C3: variants seen among roughly 807,000 people sequenced by gnomAD.
C3 encodes the protein C3 and PZP-like alpha-2-macroglobulin domain-containing protein 1.
C3 carries 97 observed loss-of-function variants against 207.9 expected under a neutral mutation model. The observed-to-expected ratio is 0.47, with a 90% confidence interval of 0.40 to 0.55. The LOEUF (loss-of-function observed/expected upper bound fraction) is 0.55, where lower values mean the gene tolerates loss of function less well. Ranked by LOEUF, C3 falls within the 20% of genes least tolerant of loss-of-function variation. C3 has a pLI of 0.00. For missense variants in C3, 1,684 were observed against 2,171.7 expected (o/e 0.78, Z 4.46); for synonymous variants, 848 against 857.6 (o/e 0.99, Z 0.20).
chr19:6,713,334 G>T lies in C3; in HGVS notation c.877-19C>A. The stretch of plus-strand genomic sequence containing the variant: ...CCTCAATCTGAGAAGGGAGAGGAGG[G>T]CTCAGAGAGGGGAGCGGGCTCAGAG... On this transcript the variant is annotated intron_variant, in intron 8 of 40. Coordinates refer to ENST00000245907, the MANE Select transcript of C3 (RefSeq NM_000064.4). 6.2e-7 allele frequency: 1 copy of T among 1,613,906 alleles called. No homozygotes were observed. Among genetic ancestry groups the T allele is most frequent in the Non-Finnish European group, 8.5e-7 (1 of 1,179,988 alleles).
chr19:6,698,294 G>A (rs1353896661), intron 19 of C3, among the ~76,000 whole-genome samples: 3 of 152,004 alleles, frequency 2.0e-5, no homozygotes, highest in African/African-American at 4.8e-5. Flanking sequence ...GATTACAGGC[G>A]TGAGCCACTG....
At position 6,677,787 on chromosome 19, in the gene C3, C is replaced by T; in HGVS notation, c.*95G>A. ...GGATGGAGCTGAGCTGCAGGTGAGGCGGCTGGGGATTTCAGCCTCTCCCTC... is the reference window on the plus strand; with the variant it reads ...GGATGGAGCTGAGCTGCAGGTGAGGTGGCTGGGGATTTCAGCCTCTCCCTC... On this transcript the variant is annotated 3_prime_UTR_variant, in exon 41 of 41. Transcript: ENST00000245907. 2.7e-6 allele frequency: 4 copies of T among 1,481,452 alleles called. No individual in the cohort carries two copies. Among genetic ancestry groups the T allele is most frequent in the Non-Finnish European group, 3.7e-6 (4 of 1,072,696 alleles). The allele number at this position is 1,481,452 out of a possible 1,614,324, so 91.8% of individuals were successfully genotyped here.
chr19:6,717,659 T>TTATG (rs543619134), intron 4 of C3: 1 of 321,290 alleles, frequency 3.1e-6, no homozygotes, highest in Non-Finnish European at 6.1e-6. Context: ...TGTGGTGTGG[T>TTATG]TATGTATGTT....
At position 6,709,811 on chromosome 19, in the gene C3, C is replaced by A. The variant is rs780877533; in HGVS notation, c.1718G>T (p.Arg573Leu). ...LVVKSGQSED[R>L]QPVPGQQMTL... ...CATCTGCTGCCCAGGTACAGGCTGCCGGTCTTCTGACTGGCCGCTTTTTAC... is the reference window on the plus strand; with the variant it reads ...CATCTGCTGCCCAGGTACAGGCTGCAGGTCTTCTGACTGGCCGCTTTTTAC... The change falls in exon 14 of 41, where the codon CGG (arginine) becomes CTG (leucine). Residue 573 changes from arginine to leucine, a missense_variant. By Grantham distance (102) the Arg-to-Leu change is moderately radical (BLOSUM62 -2). Coordinates refer to ENST00000245907, the MANE Select transcript of C3 (RefSeq NM_000064.4). The A allele has an allele frequency of 3.1e-6, 5 of 1,613,782 alleles. No individual in the cohort carries two copies. In the East Asian group the frequency reaches 1.1e-4, roughly 36 times the overall value.
At chr19:6,709,611 T>TGCCCCCCCCCCCC in intron 14 of C3, 73 bp downstream of exon 14, 24 of 1,109,374 alleles carry the variant, frequency 2.2e-5, no homozygotes, top group Middle Eastern at 2.0e-4. Flanking sequence ...CCCTCTCCAG[T>TGCCCCCCCCCCCC]CCCACCCACC....
intron 1 of C3, among the ~76,000 whole-genome samples, 170 bp downstream of exon 1, chr19:6,720,346 A>G (rs1968136001): frequency 6.6e-6 from 1 of 151,942 alleles, no homozygotes; most frequent in Non-Finnish European, 1.5e-5. Context: ...CCCAACCACA[A>G]ACACCCAAAC....
At chr19:6,686,933 A>C in intron 27 of C3, 31 bp from the exon 28 acceptor site, 1 of 1,612,530 alleles carries the variant, frequency 6.2e-7, no homozygotes. Flanking sequence ...TTCTCCGGTC[A>C]TGTGGGCATT....
rs773172456 is a variant in C3, at chr19:6,684,949, G to A, written c.3969+39C>T. 2.5e-6 allele frequency: 4 copies of A among 1,612,244 alleles called. No individual in the cohort carries two copies. The South Asian group carries it at 3.3e-5, about 13-fold the overall frequency. On this transcript the variant is annotated intron_variant, in intron 30 of 40. Transcript: ENST00000245907. ...GTAAACCCTGGCTAGTGTAGGGGGA[G>A]ACAGCCAGAGTGAGGAGGGCTTGGC... is the stretch of plus-strand genomic sequence containing the variant.
At chr19:6,717,962 T>C (rs1320692917) in intron 4 of C3, 132 bp downstream of exon 4, 1 of 844,356 alleles carries the variant, frequency 1.2e-6, no homozygotes. Flanking sequence ...TGGGTGTGTG[T>C]CTGCATATCT....
Position 6,680,138 on chromosome 19 carries a change from G to A in C3, c.4456+20C>T, listed in dbSNP as rs747230303. The A allele has an allele frequency of 1.5e-6, 2 of 1,378,948 alleles. No individual in the cohort carries two copies. The highest frequency in any genetic ancestry group is 2.1e-6 in the Non-Finnish European group (2 of 965,618). 85.4% of individuals were successfully genotyped at this position (1,378,948 alleles called of 1,614,324 possible). A position where few individuals can be genotyped will look rare whatever the true frequency, so the allele number is the denominator to read the frequency against. ...GGCCCCTGGAACCATCAGACCCCAG[G>A]CCCTAGGTTGGCTGCTCACCCAGGT... is the stretch of plus-strand genomic sequence containing the variant. On this transcript the variant is annotated intron_variant, in intron 36 of 40. Coordinates refer to ENST00000245907, the MANE Select transcript of C3 (RefSeq NM_000064.4).
At chr19:6,698,094 G>A (rs968055014) in intron 19 of C3, among the ~76,000 whole-genome samples, 2 of 151,872 alleles carry the variant, frequency 1.3e-5, no homozygotes, top group African/African-American at 4.8e-5. Flanking sequence ...TCGGCTCAAC[G>A]CAACCTCCGC....
intron 14 of C3, among the ~76,000 whole-genome samples, chr19:6,708,400 GT>G (rs1967830499): frequency 6.6e-6 from 1 of 152,040 alleles, no homozygotes; most frequent in Admixed American, 6.6e-5. Context: ...GCCTCCCAAA[GT>G]GCTTGGCCTC....
chr19:6,707,258 T>C lies in C3; in HGVS notation c.2063A>G (p.Lys688Arg). 1 of 1,610,760 alleles carries C rather than the reference T, an allele frequency of 6.2e-7. No individual in the cohort carries two copies. ...GTCCTCGCAGCACTTGCGCAGCTCC[T>C]TGGGGTACTTGCCGACTGCGGGAGC... is the stretch of plus-strand genomic sequence containing the variant. ...KRMDKVGKYP[K>R]ELRKCCEDGM... The change falls in exon 17 of 41, where the codon AAG becomes AGG. Residue 688 changes from lysine (K) to arginine (R), a missense_variant. By Grantham distance (26) the Lys-to-Arg change is conservative (BLOSUM62 2). Transcript: ENST00000245907.
At chr19:6,689,956 TG>T (rs1328067447) in intron 27 of C3, among the ~76,000 whole-genome samples, 2 of 152,196 alleles carry the variant, frequency 1.3e-5, no homozygotes, top group Non-Finnish European at 2.9e-5. Flanking sequence ...CATTGCAGCC[TG>T]GGCGACAGAG....
intron 9 of C3, 101 bp downstream of exon 9, chr19:6,713,088 G>A: frequency 2.1e-6 from 3 of 1,435,880 alleles, no homozygotes; most frequent in Non-Finnish European, 2.9e-6. Flanking sequence ...CTTTCACTCT[G>A]AGCCTCCCTC....
In C3 at chr19:6,697,521, G is replaced by A; in HGVS notation, c.2619C>T (p.Cys873=). Residue 873 remains cysteine, a synonymous_variant, in exon 21 of 41, where the codon TGC becomes TGT. Transcript: ENST00000245907. ...GACGCCTCTTGGTGGTGGCCAGGCT[G>A]CAGAAGGCTGGATTGTGGAGTAGTT... ...RVELLHNPAF[C]SLATTKRRHQ... The A allele has an allele frequency of 6.2e-7, 1 of 1,613,870 alleles. No homozygotes were observed. The highest frequency in any genetic ancestry group is 2.2e-5 in the East Asian group (1 of 44,870).
intron 38 of C3, among the ~76,000 whole-genome samples, chr19:6,678,840 C>T (rs1368089887): frequency 6.6e-6 from 1 of 152,136 alleles, no homozygotes; most frequent in African/African-American, 2.4e-5. Flanking sequence ...CATCTACAAC[C>T]ACACAGCCTC....
chr19:6,707,743 C>A (rs991820293), intron 15 of C3, 57 bp downstream of exon 15: 20 of 1,605,944 alleles, frequency 1.2e-5, no homozygotes, highest in Non-Finnish European at 1.7e-5. Flanking sequence ...CTGCTCCCAG[C>A]ATCTGGGAGG....
At position 6,694,548 on chromosome 19, in the gene C3, GT is replaced by G. The variant is rs1918259249; in HGVS notation, c.3036del (p.Glu1012AspfsTer4). On this transcript the variant is annotated frameshift_variant, in exon 24 of 41. Coordinates refer to ENST00000245907, the MANE Select transcript of C3 (RefSeq NM_000064.4). LOFTEE classifies it high-confidence loss of function. ...GTGGGCGTCATGCCGATCATGTTCT[GT>G]TCCCCGCAGCCCGAGGGGGTCACAA... ...HLIVTPSGCG[E>X]QNMIGMTPTV... 1 of 1,613,992 alleles carries G rather than the reference GT, an allele frequency of 6.2e-7. No individual in the cohort carries two copies. Among genetic ancestry groups the G allele is most frequent in the Non-Finnish European group, 8.5e-7 (1 of 1,179,992 alleles).
Sources: allele counts gnomAD v4.1 joint callset (sites outside exome capture counted in the v4.1 genomes callset), GRCh38; gene constraint gnomAD v4.1.1; transcripts MANE v1.5; gene names NCBI Gene and HGNC (gene_info 2026-07-23, HGNC 2026-07-21).